The following ZNF773 variants were observed in gnomAD, a reference collection of about 807,000 sequenced individuals.
ZNF773 encodes zinc finger protein 773, also known as zinc finger protein 419B.
Under a neutral mutation model 12.8 loss-of-function variants are expected in ZNF773, and 11 were observed. That is an observed-to-expected ratio of 0.86 (90% confidence interval 0.54 to 1.42). The LOEUF (loss-of-function observed/expected upper bound fraction) is 1.42, where lower values mean the gene tolerates loss of function less well. ZNF773 is among the 40% of genes most tolerant of loss of function. The probability of loss-of-function intolerance (pLI) is 0.00; values close to 1 mark genes in which losing one functional copy is unlikely to be tolerated. For synonymous variants in ZNF773, 175 were observed against 178.4 expected (o/e 0.98, Z 0.15); for missense variants, 518 against 527.2 (o/e 0.98, Z 0.17).
intron 3 of ZNF773, 137 bp from the exon 4 acceptor site, chr19:57,506,221 T>C (rs879937569): frequency 8.7e-5 from 122 of 1,403,534 alleles, no homozygotes; most frequent in Non-Finnish European, 1.1e-4. Context: ...CAGCAGGCCC[T>C]TCCCCACCAA....
chr19:57,500,156 C>T (rs867597947), intron 1 of ZNF773, 43 bp downstream of exon 1: 4 of 1,573,612 alleles, frequency 2.5e-6, no homozygotes, highest in Non-Finnish European at 2.6e-6. Flanking sequence ...TCCTAAAGCC[C>T]TGTGAGGGCC....
At chr19:57,501,105 C>T (rs990832701) in intron 1 of ZNF773, among the ~76,000 whole-genome samples, 3 of 152,120 alleles carry the variant, frequency 2.0e-5, no homozygotes, top group African/African-American at 7.2e-5. Flanking sequence ...AAGGAAAGGT[C>T]AGCCAGGCTG....
chr19:57,506,787 A>T lies in ZNF773; in HGVS notation c.692A>T (p.Lys231Met), dbSNP rs771630025. ...GAATGTGGGAAGTTATTTAGCCATAAGTCCAACCTTTTTATACACCAAATA... is the reference window on the plus strand; with the variant it reads ...GAATGTGGGAAGTTATTTAGCCATATGTCCAACCTTTTTATACACCAAATA... ...CSECGKLFSH[K>M]SNLFIHQIVH... Residue 231 changes from lysine to methionine, a missense_variant, in exon 4 of 4, where the codon AAG becomes ATG. Coordinates refer to ENST00000282292, the MANE Select transcript of ZNF773 (RefSeq NM_198542.3). The T allele has an allele frequency of 2.1e-5, 34 of 1,614,080 alleles. No individual in the cohort carries two copies. The highest frequency in any genetic ancestry group is 2.6e-5 in the Non-Finnish European group (31 of 1,180,034).
downstream of ZNF773, chr19:57,513,692 GCGAT>G (rs2089814635): frequency 6.6e-6 from 1 of 152,228 alleles, no homozygotes; most frequent in East Asian, 1.9e-4. Flanking sequence ...TAGTAAAAGA[GCGAT>G]TGGATGCAGG....
At chr19:57,502,489 G>C (rs2089681331) in intron 1 of ZNF773, among the ~76,000 whole-genome samples, 1 of 152,124 alleles carries the variant, frequency 6.6e-6, no homozygotes, top group Non-Finnish European at 1.5e-5. Context: ...TGGATATCAG[G>C]AAGGATGGAA....
chr19:57,515,258 C>G (rs1055818717), downstream of ZNF773: 2 of 152,258 alleles, frequency 1.3e-5, no homozygotes, highest in Non-Finnish European at 2.9e-5. Flanking sequence ...TCCTGGACCA[C>G]TATCTCTAGG....
chr19:57,512,011 T>G (rs898672250), downstream of ZNF773, among the ~76,000 whole-genome samples: 17 of 152,144 alleles, frequency 1.1e-4, no homozygotes, highest in Non-Finnish European at 2.4e-4. Flanking sequence ...GGTCTGAGGG[T>G]GAAGGTTCTG....
chr19:57,508,500 G>T (rs1210863763), downstream of ZNF773: 1 of 699,954 alleles, frequency 1.4e-6, no homozygotes, highest in Admixed American at 2.0e-5. Flanking sequence ...ACTGAATTGT[G>T]TTTTTATAAT....
downstream of ZNF773, chr19:57,512,906 T>A (rs1600156800): frequency 4.3e-6 from 5 of 1,166,454 alleles, no homozygotes; most frequent in East Asian, 1.3e-4. Flanking sequence ...ACCTAATAAA[T>A]ACAAAGGGCT....
At chr19:57,514,775 G>C (rs1000770757), downstream of ZNF773, 1 of 152,226 alleles carries the variant, frequency 6.6e-6, no homozygotes, top group African/African-American at 2.4e-5. Context: ...CACAGCATGG[G>C]AAATGTCGAC....
At chr19:57,515,818 A>G (rs1166724861), downstream of ZNF773, 1 of 152,218 alleles carries the variant, frequency 6.6e-6, no homozygotes, top group African/African-American at 2.4e-5. Context: ...AAAAACAAAA[A>G]TGGGGACTAG....
chr19:57,505,818 C>T (rs2089724941), intron 3 of ZNF773, among the ~76,000 whole-genome samples: 1 of 148,250 alleles, frequency 6.7e-6, no homozygotes, highest in Non-Finnish European at 1.5e-5. Flanking sequence ...TGATGCCATT[C>T]TCCTGCCTCA....
downstream of ZNF773, among the ~76,000 whole-genome samples, chr19:57,511,734 CACATACACACAT>C (rs1295285977): frequency 1.9e-5 from 2 of 105,068 alleles, no homozygotes; most frequent in East Asian, 4.6e-4. Flanking sequence ...CACACACACA[CACATACACACAT>C]ACACACACTC....
Position 57,507,496 on chromosome 19 carries a change from G to A in ZNF773, c.*72G>A. On this transcript the variant is annotated 3_prime_UTR_variant, in exon 4 of 4. Coordinates refer to ENST00000282292, the MANE Select transcript of ZNF773 (RefSeq NM_198542.3). ...AAAGTTCACAGTGTAAAAAAGTCTT[G>A]AAGGTTACTAATGGAAATCCATTAG... is the stretch of plus-strand genomic sequence containing the variant. The A allele has an allele frequency of 6.6e-7, 1 of 1,516,532 alleles. No homozygotes were observed. Among genetic ancestry groups the A allele is most frequent in the Non-Finnish European group, 8.8e-7 (1 of 1,137,824 alleles). 93.9% of individuals were successfully genotyped at this position (1,516,532 alleles called of 1,614,324 possible).
intron 3 of ZNF773, 22 bp from the exon 4 acceptor site, chr19:57,506,336 A>C: frequency 6.3e-7 from 1 of 1,591,388 alleles, no homozygotes; most frequent in Non-Finnish European, 8.5e-7. Context: ...CATTTACTTC[A>C]TCAACATTTC....
intron 3 of ZNF773, among the ~76,000 whole-genome samples, chr19:57,505,965 T>C (rs1465113598): frequency 6.6e-6 from 1 of 152,160 alleles, no homozygotes. Flanking sequence ...CGCCTTGGCC[T>C]CCGAAAGTGC....
chr19:57,503,225 T>G (rs1378290043), intron 1 of ZNF773, among the ~76,000 whole-genome samples: 1 of 152,180 alleles, frequency 6.6e-6, no homozygotes, highest in African/African-American at 2.4e-5. Flanking sequence ...AGTTGGTGTA[T>G]GGACCAAATG....
At chr19:57,506,233 C>A in intron 3 of ZNF773, 125 bp from the exon 4 acceptor site, 1 of 1,453,762 alleles carries the variant, frequency 6.9e-7, no homozygotes, top group Admixed American at 2.3e-5. Context: ...CCCCACCAAG[C>A]GCTAGCCCCC....
In ZNF773 at chr19:57,507,423, G is replaced by A. The variant is rs373493887; in HGVS notation, c.1328G>A (p.Ter443=). Residue 443 remains the stop codon, a stop_retained_variant, in exon 4 of 4, where the codon TGA becomes TAA. Transcript: ENST00000282292. Reference sequence around the variant, plus strand: ...AGGATTCACACTGGAGAAATACAATGATTGTGAGAAATCCTTTAGCTGGTG... The same window carrying A: ...AGGATTCACACTGGAGAAATACAATAATTGTGAGAAATCCTTTAGCTGGTG... ...HRRIHTGEIQ[*] is the part of the protein sequence containing the mutation. 18 of 1,581,476 alleles carry A rather than the reference G, an allele frequency of 1.1e-5. No homozygotes were observed. Among genetic ancestry groups the A allele is most frequent in the Admixed American group, 1.9e-5 (1 of 53,086 alleles).
Sources: gnomAD v4.1 joint callset for allele counts (sites outside exome capture counted in the v4.1 genomes callset) on GRCh38, gnomAD v4.1.1 for gene constraint, MANE v1.5 for transcripts, NCBI Gene and HGNC (gene_info 2026-07-23, HGNC 2026-07-21) for gene names.